The following TSPAN32 variants were observed in gnomAD, a reference collection of about 807,000 sequenced individuals.
TSPAN32 encodes the protein tetraspanin-32.
Under a neutral mutation model 42.7 loss-of-function variants are expected in TSPAN32, and 47 were observed. That is an observed-to-expected ratio of 1.10 (90% CI 0.87 to 1.40). The LOEUF (loss-of-function observed/expected upper bound fraction) is 1.40, where lower values mean the gene tolerates loss of function less well. Ranked by LOEUF, TSPAN32 falls within the 40% of genes most tolerant of loss-of-function variation. The probability of loss-of-function intolerance (pLI) is 0.00; values close to 1 mark genes in which losing one functional copy is unlikely to be tolerated. For synonymous variants in TSPAN32, 175 were observed against 175.9 expected (o/e 0.99, Z 0.04); for missense variants, 469 against 424.1 (o/e 1.11, Z -0.93).
chr11:2,314,631 C>T (rs942117251), intron 6 of TSPAN32, 60 bp downstream of exon 6: 2 of 1,407,224 alleles, frequency 1.4e-6, no homozygotes, highest in African/African-American at 1.4e-5. Context: ...CACCCTGGGG[C>T]CCAACCCCAA....
chr11:2,317,720 G>A lies in TSPAN32; in HGVS notation c.902-143G>A. On this transcript the variant is annotated intron_variant, in intron 9 of 9. Coordinates refer to ENST00000182290, the MANE Select transcript of TSPAN32 (RefSeq NM_139022.3). This position sits in a 1 kb window ranked among gnomAD's most constrained non-coding sequence, Gnocchi z 6.2. ...CACAAAGGAAACCACACTGGAGGCA[G>A]CAGCCCAGGGCAGACTGCAAGACAC... 6.7e-7 allele frequency: 1 copy of A among 1,500,192 alleles called. No homozygotes were observed. Among genetic ancestry groups the A allele is most frequent in the East Asian group, 2.5e-5 (1 of 40,684 alleles). 92.9% of individuals were successfully genotyped at this position (1,500,192 alleles called of 1,614,324 possible). A position where few individuals can be genotyped will look rare whatever the true frequency, so the allele number is the denominator to read the frequency against.
At position 2,304,184 on chromosome 11, in the gene TSPAN32, G is replaced by T. The variant is rs200624662; in HGVS notation, c.259G>T (p.Ala87Ser). ...VLSAAATVREAQGLMAGGFLC... is the reference protein window; with the variant it reads ...VLSAAATVRESQGLMAGGFLC... ...GAGCGCTGCAGCCACCGTGAGGGAG[G>T]CCCAGGGCCTCATGGCAGGGGTGAG... is the stretch of plus-strand genomic sequence containing the variant. Residue 87 changes from alanine to serine, a missense_variant, in exon 3 of 10, where the codon GCC becomes TCC. Coordinates refer to ENST00000182290, the MANE Select transcript of TSPAN32 (RefSeq NM_139022.3). This position sits in a 1 kb window ranked among gnomAD's most constrained non-coding sequence, Gnocchi z 4.8. The T allele has an allele frequency of 1.2e-4, 182 of 1,581,214 alleles. No homozygotes were observed. Among genetic ancestry groups the T allele is most frequent in the Admixed American group, 2.8e-4 (15 of 54,454 alleles).
intron 7 of TSPAN32, 92 bp downstream of exon 7, chr11:2,316,404 G>T: frequency 1.3e-6 from 2 of 1,544,492 alleles, no homozygotes; most frequent in South Asian, 2.4e-5. Context: ...CCCGGGACAG[G>T]ATCTCTGGTC....
At chr11:2,303,198 G>A in intron 2 of TSPAN32, 1 of 542,626 alleles carries the variant, frequency 1.8e-6, no homozygotes, top group Non-Finnish European at 3.3e-6. Flanking sequence ...TGGGCACAGT[G>A]TGGGTATATG....
At chr11:2,316,693 C>A (rs375763508) in intron 8 of TSPAN32, 26 bp downstream of exon 8, 3 of 1,516,334 alleles carry the variant, frequency 2.0e-6, no homozygotes, top group Non-Finnish European at 2.6e-6. Context: ...TGCCCCCACA[C>A]CCTCTGGAAG....
chr11:2,316,486 G>A (rs569973559), intron 7 of TSPAN32, 90 bp from the exon 8 acceptor site: 191 of 1,598,618 alleles, frequency 1.2e-4, no homozygotes, highest in Admixed American at 1.2e-3. Context: ...CAGCTGGGCC[G>A]CCCCCTTACA....
intron 3 of TSPAN32, among the ~76,000 whole-genome samples, chr11:2,307,146 C>A (rs1029603907): frequency 1.2e-4 from 19 of 152,134 alleles, no homozygotes; most frequent in Admixed American, 1.1e-3. Flanking sequence ...GAGCCGCCAG[C>A]GCCCTGTCCC....
At chr11:2,306,066 G>GTGTA (rs1467810979) in intron 3 of TSPAN32, among the ~76,000 whole-genome samples, 1 of 152,076 alleles carries the variant, frequency 6.6e-6, no homozygotes, top group Non-Finnish European at 1.5e-5. Flanking sequence ...GTGTGTGTGT[G>GTGTA]TGTGTAAGTA....
Position 2,314,584 on chromosome 11 carries a change from C to A in TSPAN32, c.543+13C>A, listed in dbSNP as rs752288819. 8 of 1,597,350 alleles carry A rather than the reference C, an allele frequency of 5.0e-6. No homozygotes were observed. The highest frequency in any genetic ancestry group is 2.7e-5 in the African/African-American group (2 of 74,704). ...GGCGGCGAGAGAGGTGAGGGGGGGA[C>A]CTGGATGCTGGCCAGGCAAGACCCT... is the stretch of plus-strand genomic sequence containing the variant. On this transcript the variant is annotated intron_variant, in intron 6 of 9. Transcript: ENST00000182290.
chr11:2,302,885 C>G lies in TSPAN32; in HGVS notation c.108C>G (p.Tyr36Ter). ...TGGCCACCATGGTGACTCTTACCTA[C>G]TTCGGGGCCCACTTTGCTGTCATCC... ...LSVATMVTLT[Y>*]FGAHFAVIRR... Residue 36 changes from tyrosine (Y) to a stop codon, truncating the protein, a stop_gained, in exon 2 of 10, where the codon TAC (tyrosine) becomes TAG (stop). Transcript: ENST00000182290. LOFTEE classifies it high-confidence loss of function. 1 of 1,613,698 alleles carries G rather than the reference C, an allele frequency of 6.2e-7. No homozygotes were observed. Among genetic ancestry groups the G allele is most frequent in the Non-Finnish European group, 8.5e-7 (1 of 1,179,850 alleles).
In TSPAN32 at chr11:2,302,708, C is replaced by T. The variant is rs865981364; in HGVS notation, c.67-136C>T. The T allele has an allele frequency of 7.8e-5, 55 of 706,678 alleles. No homozygotes were observed. The Middle Eastern group carries it at 9.8e-4, about 13-fold the overall frequency. 43.8% of individuals were successfully genotyped at this position (706,678 alleles called of 1,614,324 possible). On this transcript the variant is annotated intron_variant, in intron 1 of 9. Transcript: ENST00000182290. ...TCCTGAGACCACTCCACGGAAACAC[C>T]GGGAATCCCTGCAGCTGAGCCTGTC...
chr11:2,308,990 G>A (rs1454606457), intron 4 of TSPAN32, among the ~76,000 whole-genome samples, 180 bp downstream of exon 4: 7 of 152,018 alleles, frequency 4.6e-5, no homozygotes, highest in Admixed American at 3.9e-4. Context: ...GAGGCCAAGC[G>A]CTGGAGGTGG....
Position 2,304,327 on chromosome 11 carries a change from G to A in TSPAN32, c.279+123G>A. ...ACCAGGCAGAACCAGAGGCCCCAGG[G>A]ATGCTGGCCAGCCGAGACCCCCACG... is the stretch of plus-strand genomic sequence containing the variant. On this transcript the variant is annotated intron_variant, in intron 3 of 9. Coordinates refer to ENST00000182290, the MANE Select transcript of TSPAN32 (RefSeq NM_139022.3). The surrounding 1 kb of genome is among the most constrained non-coding windows in gnomAD (Gnocchi z 4.8). 1.4e-6 allele frequency: 1 copy of A among 697,482 alleles called. No individual in the cohort carries two copies. The highest frequency in any genetic ancestry group is 3.0e-5 in the East Asian group (1 of 33,874). 43.2% of individuals were successfully genotyped at this position (697,482 alleles called of 1,614,324 possible).
At chr11:2,316,069 C>T in intron 6 of TSPAN32, 160 bp from the exon 7 acceptor site, 1 of 1,534,062 alleles carries the variant, frequency 6.5e-7, no homozygotes, top group Non-Finnish European at 8.7e-7. Context: ...CTGCCTTTCC[C>T]TAGAGCCCTG....
In TSPAN32 at chr11:2,302,849, G is replaced by A; in HGVS notation, c.72G>A (p.Leu24=). ...MLVTCFFILL[L]GLSVATMVTL... ...TGAGTCTGCCCTATCCACAGCTGCT[G>A]GGCCTCTCTGTGGCCACCATGGTGA... The change falls in exon 2 of 10, where the codon CTG becomes CTA. Residue 24 remains leucine (L), a synonymous_variant. Coordinates refer to ENST00000182290, the MANE Select transcript of TSPAN32 (RefSeq NM_139022.3). The A allele has an allele frequency of 6.2e-7, 1 of 1,613,258 alleles. No homozygotes were observed. Among genetic ancestry groups the A allele is most frequent in the Non-Finnish European group, 8.5e-7 (1 of 1,179,538 alleles).
rs1049733647 is a variant in TSPAN32, at chr11:2,304,165, T to C, written c.240T>C (p.Ala80=). 5.0e-6 allele frequency: 8 copies of C among 1,588,054 alleles called. No individual in the cohort carries two copies. In the Admixed American group the frequency reaches 1.3e-4, roughly 25 times the overall value. ...TGACTCTGGGAGCCGTGCTGAGCGCTGCAGCCACCGTGAGGGAGGCCCAGG... is the reference window on the plus strand; with the variant it reads ...TGACTCTGGGAGCCGTGCTGAGCGCCGCAGCCACCGTGAGGGAGGCCCAGG... ...GLLTLGAVLS[A]AATVREAQGL... is the part of the protein sequence containing the mutation. The change falls in exon 3 of 10, where the codon GCT becomes GCC. Residue 80 remains alanine (A), a synonymous_variant. Transcript: ENST00000182290. This position sits in a 1 kb window ranked among gnomAD's most constrained non-coding sequence, Gnocchi z 4.8.
At chr11:2,307,183 G>A (rs916038538) in intron 3 of TSPAN32, among the ~76,000 whole-genome samples, 2 of 152,112 alleles carry the variant, frequency 1.3e-5, no homozygotes, top group South Asian at 2.1e-4. Context: ...CCATGCTCAC[G>A]CCTGTGCTTG....
At chr11:2,309,798 C>G (rs1355287580) in intron 4 of TSPAN32, among the ~76,000 whole-genome samples, 1 of 151,924 alleles carries the variant, frequency 6.6e-6, no homozygotes, top group African/African-American at 2.4e-5. Context: ...GTGGTCCCCA[C>G]CGTGGTTTGC....
At position 2,317,424 on chromosome 11, in the gene TSPAN32, C is replaced by G. The variant is rs1848868121; in HGVS notation, c.800C>G (p.Ala267Gly). 1 of 1,603,646 alleles carries G rather than the reference C, an allele frequency of 6.2e-7. No individual in the cohort carries two copies. The highest frequency in any genetic ancestry group is 8.5e-7 in the Non-Finnish European group (1 of 1,175,190). The stretch of plus-strand genomic sequence containing the variant: ...CCCACACATTGTCTCCACTCCGAAG[C>G]AGTTGCTATTGGTCCAAGAGGATGC... Reference protein sequence around the residue: ...GGPTHCLHSEAVAIGPRGCSG... With the variant: ...GGPTHCLHSEGVAIGPRGCSG... The change falls in exon 9 of 10, where the codon GCA (alanine) becomes GGA (glycine). Residue 267 changes from alanine (A) to glycine (G), a missense_variant. Ala to Gly is a moderately conservative substitution (Grantham distance 60). Coordinates refer to ENST00000182290, the MANE Select transcript of TSPAN32 (RefSeq NM_139022.3). This position sits in a 1 kb window ranked among gnomAD's most constrained non-coding sequence, Gnocchi z 6.2.
Sources: allele counts gnomAD v4.1 joint callset (sites outside exome capture counted in the v4.1 genomes callset), GRCh38; gene constraint gnomAD v4.1.1; non-coding constraint Gnocchi (gnomAD v3.1); transcripts MANE v1.5; gene names NCBI Gene and HGNC (gene_info 2026-07-23, HGNC 2026-07-21).